Variants in NT5C2 observed in about 807,000 individuals in gnomAD.
NT5C2 encodes the protein cytosolic purine 5'-nucleotidase.
NT5C2 carries 58 observed loss-of-function variants against 76.1 expected under a neutral mutation model. The ratio of observed to expected loss-of-function variants is 0.76; its 90% confidence interval spans 0.62 to 0.95. The LOEUF (loss-of-function observed/expected upper bound fraction) is 0.95, where lower values mean the gene tolerates loss of function less well. NT5C2 is among the 40% of genes least tolerant of loss of function. The pLI is 0.00. For missense variants in NT5C2, 478 were observed against 690.3 expected, an observed-to-expected ratio of 0.69 and a Z score of 3.45; for synonymous variants, 229 against 237.4, an observed-to-expected ratio of 0.96 and a Z score of 0.32.
intron 4 of NT5C2, among the ~76,000 whole-genome samples, chr10:103,115,934 T>C (rs1376976283): frequency 6.6e-6 from 1 of 152,160 alleles, no homozygotes; most frequent in African/African-American, 2.4e-5. Flanking sequence ...GTATTATTTC[T>C]TTTAAATTAT....
At chr10:103,126,637 A>G (rs1389732957) in intron 4 of NT5C2, among the ~76,000 whole-genome samples, 1 of 152,136 alleles carries the variant, frequency 6.6e-6, no homozygotes, top group Non-Finnish European at 1.5e-5. Flanking sequence ...CTAAAAAACA[A>G]ACAAAAAAAC....
chr10:103,161,291 C>T (rs192396195), intron 3 of NT5C2, among the ~76,000 whole-genome samples: 1 of 152,276 alleles, frequency 6.6e-6, no homozygotes, highest in East Asian at 1.9e-4. Flanking sequence ...GATCCTCCCA[C>T]CTCAGCCTCT....
intron 1 of NT5C2, among the ~76,000 whole-genome samples, 169 bp from the exon 2 acceptor site, chr10:103,181,497 T>A (rs2091074997): frequency 6.6e-6 from 1 of 152,152 alleles, no homozygotes; most frequent in African/African-American, 2.4e-5. Context: ...TAAGCCTGGT[T>A]AGCAATCTGC....
chr10:103,092,988 A>C (rs1157148856), intron 15 of NT5C2, 151 bp downstream of exon 15: 49 of 514,588 alleles, frequency 9.5e-5, no homozygotes, highest in Non-Finnish European at 1.4e-4. Flanking sequence ...AAATATCTGA[A>C]TATTCTATGG....
intron 18 of NT5C2, 164 bp from the exon 19 acceptor site, chr10:103,090,072 T>A (rs2066322277): frequency 1.9e-6 from 1 of 513,786 alleles, no homozygotes; most frequent in African/African-American, 1.9e-5. Context: ...TATAGTTGCC[T>A]GTCTTCCTCT....
Position 103,179,266 on chromosome 10 carries a change from A to G in NT5C2, c.-25+1919T>C, listed in dbSNP as rs1168980320. ...CCAGCCTCCTCTACTTCCTTAATAA[A>G]CTTGCTTTCACTTTACTTTATGGAC... On this transcript the variant is annotated intron_variant, in intron 2 of 18. Transcript: ENST00000404739. 2.0e-5 allele frequency among the ~76,000 whole-genome samples: 3 copies of G among 151,616 alleles called. No individual in the cohort carries two copies. The East Asian group carries it at 5.8e-4, about 29-fold the overall frequency.
chr10:103,116,239 T>A (rs995772637), intron 4 of NT5C2, among the ~76,000 whole-genome samples: 1 of 152,236 alleles, frequency 6.6e-6, no homozygotes, highest in African/African-American at 2.4e-5. Context: ...AAATATGTAA[T>A]GAGCTGCTTT....
Position 103,106,634 on chromosome 10 carries a change from G to A in NT5C2, c.248C>T (p.Pro83Leu). The A allele has an allele frequency of 6.2e-7, 1 of 1,613,722 alleles. No individual in the cohort carries two copies. The highest frequency in any genetic ancestry group is 8.5e-7 in the Non-Finnish European group (1 of 1,179,734). ...ATAAGCAAAGCTGAGCAACTCCTGG[G>A]GATAGCCAATAGAAACTAATCTCTC... Reference protein sequence around the residue: ...TVERLVSIGYPQELLSFAYDS... With the variant: ...TVERLVSIGYLQELLSFAYDS... Residue 83 changes from proline to leucine, a missense_variant, in exon 5 of 19, where the codon CCC becomes CTC. Coordinates refer to ENST00000404739, the MANE Select transcript of NT5C2 (RefSeq NM_001351169.2).
At chr10:103,165,420 G>A (rs1006879715) in intron 3 of NT5C2, among the ~76,000 whole-genome samples, 35 of 151,822 alleles carry the variant, frequency 2.3e-4, no homozygotes, top group Non-Finnish European at 3.5e-4. Flanking sequence ...TTGAACCCAG[G>A]AGGCAGAGGT....
At chr10:103,131,153 T>C (rs760510060) in intron 4 of NT5C2, among the ~76,000 whole-genome samples, 6 of 152,222 alleles carry the variant, frequency 3.9e-5, no homozygotes, top group Non-Finnish European at 7.3e-5. Context: ...GTTTGACATG[T>C]GATGTCCTAT....
intron 4 of NT5C2, chr10:103,111,803 C>T: frequency 8.1e-7 from 1 of 1,231,760 alleles, no homozygotes; most frequent in Non-Finnish European, 1.0e-6. Flanking sequence ...TACACTGGCT[C>T]TCCTGTTAAA....
intron 4 of NT5C2, among the ~76,000 whole-genome samples, chr10:103,121,785 G>C (rs1325736653): frequency 6.6e-6 from 1 of 152,214 alleles, no homozygotes; most frequent in Non-Finnish European, 1.5e-5. Flanking sequence ...GCCTAGAAAG[G>C]AGGGGAGGGC....
chr10:103,121,880 T>C (rs1197266980), intron 4 of NT5C2, among the ~76,000 whole-genome samples: 2 of 152,158 alleles, frequency 1.3e-5, no homozygotes, highest in Non-Finnish European at 2.9e-5. Context: ...ACTATTTAAT[T>C]TTAGAATTCT....
intron 3 of NT5C2, among the ~76,000 whole-genome samples, chr10:103,167,966 TAC>T (rs1217749583): frequency 6.6e-6 from 1 of 152,124 alleles, no homozygotes; most frequent in Non-Finnish European, 1.5e-5. Flanking sequence ...AAGCCATAAG[TAC>T]TAGCAAAATT....
intron 4 of NT5C2, chr10:103,125,287 T>C: frequency 1.7e-6 from 1 of 599,430 alleles, no homozygotes; most frequent in Non-Finnish European, 3.0e-6. Flanking sequence ...CATGCTTCAT[T>C]GTCACAGTTA....
chr10:103,122,505 C>T (rs2075864632), intron 4 of NT5C2, among the ~76,000 whole-genome samples: 1 of 152,128 alleles, frequency 6.6e-6, no homozygotes, highest in Admixed American at 6.5e-5. Context: ...AGAAACTGAC[C>T]TGAGTTTAAA....
At chr10:103,156,581 C>T (rs1277732133) in intron 3 of NT5C2, among the ~76,000 whole-genome samples, 1 of 151,032 alleles carries the variant, frequency 6.6e-6, no homozygotes, top group Non-Finnish European at 1.5e-5. Context: ...CGTGGCGAAA[C>T]CCCATCTCTA....
intron 11 of NT5C2, among the ~76,000 whole-genome samples, chr10:103,096,209 T>C (rs545587265): frequency 2.0e-5 from 3 of 152,330 alleles, no homozygotes; most frequent in Admixed American, 6.5e-5. Context: ...GGATACATAC[T>C]TCCTCTGGAA....
chr10:103,130,123 G>C (rs1268653789), intron 4 of NT5C2, among the ~76,000 whole-genome samples: 1 of 151,848 alleles, frequency 6.6e-6, no homozygotes. Context: ...GGCAGGAAAG[G>C]TGGGGAAAAG....
Sources: gnomAD v4.1 joint callset for allele counts (sites outside exome capture counted in the v4.1 genomes callset) on GRCh38, gnomAD v4.1.1 for gene constraint, MANE v1.5 for transcripts, NCBI Gene and HGNC (gene_info 2026-07-23, HGNC 2026-07-21) for gene names.